Variants in RAB40B observed in about 807,000 individuals in gnomAD.
The protein encoded by RAB40B is ras-related protein Rab-40B.
In RAB40B, 21 loss-of-function variants were observed where a neutral mutation model predicts 24.0. That is an observed-to-expected ratio of 0.88 (90% confidence interval 0.62 to 1.26). The LOEUF (loss-of-function observed/expected upper bound fraction) is 1.26, where lower values mean the gene tolerates loss of function less well. RAB40B is among the 50% of genes most tolerant of loss of function. The pLI is 0.00. For synonymous variants in RAB40B, 167 were observed against 169.8 expected, an observed-to-expected ratio of 0.98 and a Z score of 0.13; for missense variants, 348 against 390.5, an observed-to-expected ratio of 0.89 and a Z score of 0.92.
Position 82,667,971 on chromosome 17 carries a change from C to T in RAB40B, c.143-3415G>A, listed in dbSNP as rs887758894. Among the ~76,000 whole-genome samples, 3 of 152,154 alleles carry T rather than the reference C, an allele frequency of 2.0e-5. No individual in the cohort carries two copies. The highest frequency in any genetic ancestry group is 7.2e-5 in the African/African-American group (3 of 41,448). On this transcript the variant is annotated intron_variant, in intron 1 of 5. Coordinates refer to ENST00000571995, the MANE Select transcript of RAB40B (RefSeq NM_006822.3). The surrounding 1 kb of genome is among the most constrained non-coding windows in gnomAD (Gnocchi z 4.3). ...CACTGATGGGGCCTTTGGGATGTTG[C>T]TCTTCCGGCTGGAAACCTCTGTGGC...
intron 2 of RAB40B, 67 bp downstream of exon 2, chr17:82,664,429 G>A (rs2046227992): frequency 6.6e-7 from 1 of 1,510,414 alleles, no homozygotes; most frequent in Admixed American, 1.7e-5. Context: ...GCTGACAGGG[G>A]GTGCTATGCC....
intron 1 of RAB40B, 192 bp from the exon 2 acceptor site, chr17:82,664,748 C>T: frequency 3.5e-6 from 2 of 571,024 alleles, no homozygotes; most frequent in East Asian, 3.0e-5. Flanking sequence ...ACCCGGGCCC[C>T]TCCTGTCCTC....
At chr17:82,691,886 C>A (rs1465646221) in intron 1 of RAB40B, among the ~76,000 whole-genome samples, 1 of 151,950 alleles carries the variant, frequency 6.6e-6, no homozygotes, top group Non-Finnish European at 1.5e-5. Flanking sequence ...AGAGCGTGAA[C>A]CGGGGACCCA....
rs893535027 is a variant in RAB40B at position 82,697,118 on chromosome 17, C to T, written c.142+1337G>A. 6.6e-6 allele frequency among the ~76,000 whole-genome samples: 1 copy of T among 152,104 alleles called. No individual in the cohort carries two copies. Among genetic ancestry groups the T allele is most frequent in the Admixed American group, 6.5e-5 (1 of 15,278 alleles). ...TGCAGTTTCAGGAGGCCTCTGGGTG[C>T]TGGTCGTGAGCCCAAGCCCATCTCA... On this transcript the variant is annotated intron_variant, in intron 1 of 5. Coordinates refer to ENST00000571995, the MANE Select transcript of RAB40B (RefSeq NM_006822.3). The surrounding 1 kb of genome is among the most constrained non-coding windows in gnomAD (Gnocchi z 4.9).
At chr17:82,664,765 C>T (rs891786266) in intron 1 of RAB40B, 3 of 542,858 alleles carry the variant, frequency 5.5e-6, no homozygotes, top group Non-Finnish European at 9.9e-6. Flanking sequence ...CCTCAGCCGC[C>T]TTGGCCTCTG....
chr17:82,661,712 C>A (rs3794726), intron 2 of RAB40B, among the ~76,000 whole-genome samples: 25,399 of 151,890 alleles, frequency 0.17, 2,370 homozygotes, highest in East Asian at 0.21. Context: ...CATAGTGAAA[C>A]CCCGTCTCTA....
At chr17:82,684,328 C>G (rs188676008) in intron 1 of RAB40B, among the ~76,000 whole-genome samples, 3 of 152,104 alleles carry the variant, frequency 2.0e-5, no homozygotes, top group African/African-American at 7.2e-5. Context: ...CACTCACACA[C>G]TGCTGACGGG....
chr17:82,682,864 G>T (rs951989969), intron 1 of RAB40B, among the ~76,000 whole-genome samples: 1 of 152,190 alleles, frequency 6.6e-6, no homozygotes, highest in African/African-American at 2.4e-5. Context: ...AACGAACCCG[G>T]CCGGGCACGG....
At chr17:82,695,817 T>TA (rs1351550960) in intron 1 of RAB40B, among the ~76,000 whole-genome samples, 5 of 152,118 alleles carry the variant, frequency 3.3e-5, no homozygotes, top group African/African-American at 1.2e-4. Flanking sequence ...CCTGCAAGGG[T>TA]ACACCCGTGA....
At chr17:82,693,227 G>C (rs562075936) in intron 1 of RAB40B, among the ~76,000 whole-genome samples, 1 of 151,938 alleles carries the variant, frequency 6.6e-6, no homozygotes, top group South Asian at 2.1e-4. Context: ...GGCTGGTCTC[G>C]AACTCTTGAC....
At position 82,667,446 on chromosome 17, in the gene RAB40B, C is replaced by T. The variant is rs1024829556; in HGVS notation, c.143-2890G>A. On this transcript the variant is annotated intron_variant, in intron 1 of 5. Transcript: ENST00000571995. The surrounding 1 kb of genome is among the most constrained non-coding windows in gnomAD (Gnocchi z 4.3). ...GCCTGATCTGAGCACACCTGTGCAG[C>T]GCCTTCCATGAGATCCCGAGCACCC... Among the ~76,000 whole-genome samples, 2 of 65,092 alleles carry T rather than the reference C, an allele frequency of 3.1e-5. No individual in the cohort carries two copies. Among genetic ancestry groups the T allele is most frequent in the Admixed American group, 1.5e-4 (1 of 6,776 alleles). 42.7% of individuals were successfully genotyped at this position (65,092 alleles called of 152,430 possible).
rs150822134 is a variant in RAB40B at position 82,683,943 on chromosome 17, G to A, written c.142+14512C>T. Among the ~76,000 whole-genome samples the A allele has an allele frequency of 5.0e-3, 759 of 152,008 alleles. 2 individuals carry two copies. Among genetic ancestry groups the A allele is most frequent in the African/African-American group, 0.017 (715 of 41,470 alleles). ...TTAAAATTACAATAAGATACTGGCC[G>A]GGCGCAGCGGCTAACGCCTGTAATC... On this transcript the variant is annotated intron_variant, in intron 1 of 5. Coordinates refer to ENST00000571995, the MANE Select transcript of RAB40B (RefSeq NM_006822.3).
chr17:82,658,515 C>G lies in RAB40B; in HGVS notation c.541G>C (p.Asp181His), dbSNP rs1417216343. 1 of 1,612,814 alleles carries G rather than the reference C, an allele frequency of 6.2e-7. No homozygotes were observed. The highest frequency in any genetic ancestry group is 8.5e-7 in the Non-Finnish European group (1 of 1,179,906). ...CCCTTGCTCGGCCGCCAGAGCCGGT[C>G]CATCCCATGCCGCAGCAGCACGATC... is the stretch of plus-strand genomic sequence containing the variant. ...ARIVLLRHGMDRLWRPSKVLS... is the reference protein window; with the variant it reads ...ARIVLLRHGMHRLWRPSKVLS... Residue 181 changes from aspartate to histidine, a missense_variant, in exon 5 of 6, where the codon GAC becomes CAC. Physicochemically the swap from Asp to His is moderately conservative, Grantham distance 81 (BLOSUM62 -1). This residue lies in a region of RAB40B where 126 missense variants were observed against 181.0 expected (regional missense o/e 0.70). Transcript: ENST00000571995.
At chr17:82,695,883 ATTT>A (rs964429432) in intron 1 of RAB40B, among the ~76,000 whole-genome samples, 1 of 149,798 alleles carries the variant, frequency 6.7e-6, no homozygotes, top group South Asian at 2.1e-4. Flanking sequence ...TCTTGATGGG[ATTT>A]TTTTTTTAAG....
chr17:82,668,696 C>T (rs1301402064), intron 1 of RAB40B, among the ~76,000 whole-genome samples: 1 of 152,228 alleles, frequency 6.6e-6, no homozygotes, highest in Non-Finnish European at 1.5e-5. Context: ...GCATTTGGAG[C>T]AGGCACTTCT....
rs959024325 is a variant in RAB40B, at chr17:82,670,892, A to G, written c.143-6336T>C. Reference sequence around the variant, plus strand: ...AAAACCATCTTTCGTTTCTGTTTTCATGGAGTCATGGATGCTCACAGTCTG... The same window carrying G: ...AAAACCATCTTTCGTTTCTGTTTTCGTGGAGTCATGGATGCTCACAGTCTG... On this transcript the variant is annotated intron_variant, in intron 1 of 5. Coordinates refer to ENST00000571995, the MANE Select transcript of RAB40B (RefSeq NM_006822.3). Among the ~76,000 whole-genome samples the G allele has an allele frequency of 2.0e-5, 3 of 152,004 alleles. No homozygotes were observed. The East Asian group carries it at 5.8e-4, about 29-fold the overall frequency.
chr17:82,675,749 G>A lies in RAB40B; in HGVS notation c.143-11193C>T, dbSNP rs2046387943. 2.0e-5 allele frequency among the ~76,000 whole-genome samples: 3 copies of A among 152,126 alleles called. No homozygotes were observed. Among genetic ancestry groups the A allele is most frequent in the African/African-American group, 2.4e-5 (1 of 41,410 alleles). ...ACTCATCCCATCCACAAAGCCCCAC[G>A]TGACCTAATCATCTTCCAATAGCCC... On this transcript the variant is annotated intron_variant, in intron 1 of 5. Coordinates refer to ENST00000571995, the MANE Select transcript of RAB40B (RefSeq NM_006822.3). This position sits in a 1 kb window ranked among gnomAD's most constrained non-coding sequence, Gnocchi z 4.5.
At chr17:82,682,652 C>T (rs1338888530) in intron 1 of RAB40B, among the ~76,000 whole-genome samples, 1 of 152,112 alleles carries the variant, frequency 6.6e-6, no homozygotes. Flanking sequence ...CAGTATGGTA[C>T]TGGTATAAAA....
At position 82,657,596 on chromosome 17, in the gene RAB40B, C is replaced by A. The variant is rs185384001; in HGVS notation, c.*267G>T. 2 of 574,076 alleles carry A rather than the reference C, an allele frequency of 3.5e-6. No homozygotes were observed. The highest frequency in any genetic ancestry group is 1.9e-5 in the African/African-American group (1 of 53,968). 35.6% of individuals were successfully genotyped at this position (574,076 alleles called of 1,614,324 possible). On this transcript the variant is annotated 3_prime_UTR_variant, in exon 6 of 6. Transcript: ENST00000571995. ...TTGCAGTGCAATCATGATAAAGTAA[C>A]ATTCAGAATTTCATGTTACCAAGAG...
Sources: allele counts gnomAD v4.1 joint callset (sites outside exome capture counted in the v4.1 genomes callset), GRCh38; gene constraint gnomAD v4.1.1; regional missense constraint gnomAD v4.1.1; non-coding constraint Gnocchi (gnomAD v3.1); transcripts MANE v1.5; gene names NCBI Gene and HGNC (gene_info 2026-07-23, HGNC 2026-07-21).